The following EDIL3 variants were observed in gnomAD, a reference collection of about 807,000 sequenced individuals.
EDIL3 encodes EGF like and discoidin domains 3, also known as EGF-like repeat and discoidin I-like domain-containing protein 3.
In EDIL3, 37 loss-of-function variants were observed where a neutral mutation model predicts 67.4. The ratio of observed to expected loss-of-function variants is 0.55; its 90% CI spans 0.42 to 0.72. The LOEUF is 0.72. Among genes scored for constraint, EDIL3 ranks in the 30% least tolerant of loss-of-function variants. The pLI, the probability that EDIL3 is intolerant of heterozygous loss-of-function variation, is 0.00. For missense variants in EDIL3, 527 were observed against 586.3 expected, an observed-to-expected ratio of 0.90 and a Z score of 1.04; for synonymous variants, 195 against 196.3, an observed-to-expected ratio of 0.99 and a Z score of 0.05.
intron 4 of EDIL3, among the ~76,000 whole-genome samples, chr5:84,168,315 CACATA>C (rs1748747823): frequency 6.6e-6 from 1 of 152,048 alleles, no homozygotes; most frequent in Non-Finnish European, 1.5e-5. Context: ...ACTATCATGA[CACATA>C]ACACACAATA....
intron 1 of EDIL3, among the ~76,000 whole-genome samples, chr5:84,274,511 T>G (rs746636945): frequency 7.9e-4 from 121 of 152,286 alleles, no homozygotes; most frequent in Non-Finnish European, 1.5e-3. Context: ...TTTTAAGTAG[T>G]TGAAAAAATG....
intron 10 of EDIL3, among the ~76,000 whole-genome samples, chr5:83,950,805 A>G (rs1416665798): frequency 6.6e-6 from 1 of 151,788 alleles, no homozygotes. Flanking sequence ...TATCATTTCC[A>G]TAAAAGCTTA....
intron 1 of EDIL3, among the ~76,000 whole-genome samples, chr5:84,348,852 T>C (rs1057472559): frequency 2.0e-5 from 3 of 152,196 alleles, no homozygotes; most frequent in African/African-American, 7.2e-5. Context: ...TAGTGTTTGT[T>C]GAGCAATGTT....
intron 6 of EDIL3, among the ~76,000 whole-genome samples, chr5:84,085,310 T>C (rs1374153086): frequency 1.3e-5 from 2 of 152,246 alleles, no homozygotes; most frequent in African/African-American, 2.4e-5. Context: ...CTTATCTTCA[T>C]GGAGTTATCT....
intron 2 of EDIL3, among the ~76,000 whole-genome samples, chr5:84,242,380 C>T (rs1206538150): frequency 6.6e-6 from 1 of 152,154 alleles, no homozygotes; most frequent in East Asian, 1.9e-4. Flanking sequence ...TTCAACTCAG[C>T]CTGGCTAGCT....
rs899308541 is a variant in EDIL3, at chr5:84,176,400, C to A, written c.355+3993G>T. 9.4e-5 allele frequency among the ~76,000 whole-genome samples: 8 copies of A among 85,170 alleles called. No individual in the cohort carries two copies. The Admixed American group carries it at 1.1e-3, about 11-fold the overall frequency. 55.9% of individuals were successfully genotyped at this position (85,170 alleles called of 152,430 possible). A position where few individuals can be genotyped will look rare whatever the true frequency, so the allele number is the denominator to read the frequency against. ...CTAAACTGTCCTGTTTCTTTCCAGGCTCAGTGGGCTCCCAGATCAGCCCTC... is the reference window on the plus strand; with the variant it reads ...CTAAACTGTCCTGTTTCTTTCCAGGATCAGTGGGCTCCCAGATCAGCCCTC... On this transcript the variant is annotated intron_variant, in intron 4 of 10. Coordinates refer to ENST00000296591, the MANE Select transcript of EDIL3 (RefSeq NM_005711.5).
intron 2 of EDIL3, among the ~76,000 whole-genome samples, chr5:84,240,781 G>C (rs918811055): frequency 4.6e-5 from 7 of 152,040 alleles, no homozygotes; most frequent in African/African-American, 1.7e-4. Context: ...TCCTGGTCTT[G>C]CTCCCAATCC....
At chr5:83,951,344 T>G (rs1188839318) in intron 10 of EDIL3, among the ~76,000 whole-genome samples, 1 of 151,820 alleles carries the variant, frequency 6.6e-6, no homozygotes, top group Non-Finnish European at 1.5e-5. Context: ...CAAGAAATAC[T>G]ATACTTTACT....
chr5:84,139,684 T>C (rs1458737469), intron 4 of EDIL3, among the ~76,000 whole-genome samples: 1 of 152,212 alleles, frequency 6.6e-6, no homozygotes, highest in East Asian at 1.9e-4. Flanking sequence ...TGCCGTATTT[T>C]GTAAAGTTAG....
intron 9 of EDIL3, among the ~76,000 whole-genome samples, chr5:84,029,743 C>T (rs1275272065): frequency 6.6e-6 from 1 of 152,088 alleles, no homozygotes; most frequent in African/African-American, 2.4e-5. Context: ...TCTGTATCTA[C>T]AAGTCAGAGG....
chr5:84,295,463 A>G (rs1746030987), intron 1 of EDIL3, among the ~76,000 whole-genome samples: 1 of 152,038 alleles, frequency 6.6e-6, no homozygotes, highest in Non-Finnish European at 1.5e-5. Flanking sequence ...TACCCATGAT[A>G]AAAATTAACT....
chr5:84,295,340 A>T (rs1746027156), intron 1 of EDIL3, among the ~76,000 whole-genome samples: 1 of 152,104 alleles, frequency 6.6e-6, no homozygotes, highest in Admixed American at 6.5e-5. Flanking sequence ...TAATAATATG[A>T]ACCACAAAAA....
At chr5:84,012,996 C>T (rs856442) in intron 9 of EDIL3, among the ~76,000 whole-genome samples, 91,661 of 151,624 alleles carry the variant, frequency 0.6, 29,017 homozygotes, top group East Asian at 0.75. Context: ...GAATTTCCTC[C>T]TAATTAAATA....
At chr5:83,948,219 C>T (rs1339766280) in intron 10 of EDIL3, among the ~76,000 whole-genome samples, 1 of 151,578 alleles carries the variant, frequency 6.6e-6, no homozygotes, top group African/African-American at 2.4e-5. Context: ...TTTTATAAAG[C>T]AACCATTTAT....
chr5:84,160,815 C>CT (rs1748598172), intron 4 of EDIL3, among the ~76,000 whole-genome samples: 5 of 70,294 alleles, frequency 7.1e-5, no homozygotes, highest in African/African-American at 2.8e-4. Flanking sequence ...CTTTCCTTTC[C>CT]TTTCCCTTTC....
At chr5:84,036,552 A>C (rs1746025402) in intron 9 of EDIL3, among the ~76,000 whole-genome samples, 1 of 152,164 alleles carries the variant, frequency 6.6e-6, no homozygotes, top group Non-Finnish European at 1.5e-5. Context: ...ATTTTAAGAC[A>C]TTTTGTTGAA....
chr5:84,051,852 C>T (rs548156317), intron 9 of EDIL3, among the ~76,000 whole-genome samples: 21 of 152,230 alleles, frequency 1.4e-4, no homozygotes, highest in South Asian at 1.2e-3. Flanking sequence ...CTGAAAGTGA[C>T]GGGGAGAATG....
intron 10 of EDIL3, among the ~76,000 whole-genome samples, chr5:83,955,244 G>A (rs1397246694): frequency 6.6e-6 from 1 of 151,704 alleles, no homozygotes; most frequent in East Asian, 2.0e-4. Context: ...AGATTGAGAA[G>A]ATAAAAATAG....
chr5:84,169,674 G>A (rs897481272), intron 4 of EDIL3, among the ~76,000 whole-genome samples: 1 of 149,340 alleles, frequency 6.7e-6, no homozygotes, highest in African/African-American at 2.5e-5. Context: ...TTTTCACTCA[G>A]CTTAATTTCC....
Sources: allele counts gnomAD v4.1 joint callset (sites outside exome capture counted in the v4.1 genomes callset), GRCh38; gene constraint gnomAD v4.1.1; transcripts MANE v1.5; gene names NCBI Gene and HGNC (gene_info 2026-07-23, HGNC 2026-07-21).